The following PER2 variants were observed in gnomAD, a reference collection of about 807,000 sequenced individuals.
PER2 encodes the protein period circadian regulator 2, also known as period circadian protein homolog 2.
A neutral mutation model predicts 121.0 loss-of-function variants in PER2; 66 were observed. The ratio of observed to expected loss-of-function variants is 0.55; its 90% CI spans 0.45 to 0.67. The LOEUF (loss-of-function observed/expected upper bound fraction) is 0.67. Ranked by LOEUF, PER2 falls within the 30% of genes least tolerant of loss-of-function variation. The probability of loss-of-function intolerance (pLI) is 0.00; values close to 1 mark genes in which losing one functional copy is unlikely to be tolerated. For synonymous variants in PER2, 684 were observed against 659.9 expected, an observed-to-expected ratio of 1.04 and a Z score of -0.56; for missense variants, 1,521 against 1,635.0, an observed-to-expected ratio of 0.93 and a Z score of 1.20.
At chr2:238,291,721 C>T (rs1696953250), upstream of PER2, among the ~76,000 whole-genome samples, 1 of 152,208 alleles carries the variant, frequency 6.6e-6, no homozygotes, top group African/African-American at 2.4e-5. Flanking sequence ...CGGCTGACCC[C>T]AGCTTGGCAT....
At chr2:238,281,002 T>C (rs923075258) in intron 1 of PER2, among the ~76,000 whole-genome samples, 2 of 149,190 alleles carry the variant, frequency 1.3e-5, no homozygotes, top group African/African-American at 2.4e-5. Context: ...AGACAATGTT[T>C]ACACTTTTTT....
chr2:238,259,524 A>G (rs1216096302), intron 14 of PER2, among the ~76,000 whole-genome samples: 1 of 152,188 alleles, frequency 6.6e-6, no homozygotes, highest in East Asian at 1.9e-4. Context: ...GTTTGAGTGT[A>G]TGTGGATGCT....
In PER2 at chr2:238,288,479, C is replaced by A. The variant is rs1238429017; in HGVS notation, c.-150G>T. 1 of 152,206 alleles carries A rather than the reference C, an allele frequency of 6.6e-6. No homozygotes were observed. Among genetic ancestry groups the A allele is most frequent in the Admixed American group, 6.5e-5 (1 of 15,286 alleles). The allele number at this position is 152,206 out of a possible 1,614,324, so 9.4% of individuals were successfully genotyped here. On this transcript the variant is annotated 5_prime_UTR_variant, in exon 1 of 23. Coordinates refer to ENST00000254657, the MANE Select transcript of PER2 (RefSeq NM_022817.3). ...TCCACCTGGGACAGGGCCAAGGGCA[C>A]ACGCCCCCACGCCGGCGCCGTTTCA...
At chr2:238,251,072 A>G (rs1179296994) in intron 20 of PER2, among the ~76,000 whole-genome samples, 2 of 152,230 alleles carry the variant, frequency 1.3e-5, no homozygotes, top group African/African-American at 4.8e-5. Flanking sequence ...GCAGTTTCCC[A>G]CAAGGGGAGG....
intron 18 of PER2, 179 bp downstream of exon 18, chr2:238,255,478 A>AC (rs550782340): frequency 2.6e-4 from 179 of 698,414 alleles, no homozygotes; most frequent in East Asian, 3.9e-4. Context: ...TCCCGAGAGC[A>AC]CCCCCCCGGT....
upstream of PER2, chr2:238,289,435 A>G (rs1247092938): frequency 6.6e-6 from 1 of 152,322 alleles, no homozygotes; most frequent in East Asian, 1.9e-4. Flanking sequence ...GCAGCTACCA[A>G]GTGACCTTTC....
chr2:238,268,274 G>A lies in PER2; in HGVS notation c.825-76C>T, dbSNP rs1267444878. The A allele has an allele frequency of 2.0e-6, 3 of 1,476,322 alleles. No homozygotes were observed. Among genetic ancestry groups the A allele is most frequent in the African/African-American group, 2.8e-5 (2 of 72,224 alleles). 91.5% of individuals were successfully genotyped at this position (1,476,322 alleles called of 1,614,324 possible). Reference sequence around the variant, plus strand: ...CCCCTGTTCTGTTCCCTCCTCACCTGGGCCCCATGCCATGCTGCAGGTGAT... The same window carrying A: ...CCCCTGTTCTGTTCCCTCCTCACCTAGGCCCCATGCCATGCTGCAGGTGAT... On this transcript the variant is annotated intron_variant, in intron 7 of 22. Coordinates refer to ENST00000254657, the MANE Select transcript of PER2 (RefSeq NM_022817.3). The surrounding 1 kb of genome is among the most constrained non-coding windows in gnomAD (Gnocchi z 4.0).
intron 1 of PER2, 131 bp from the exon 2 acceptor site, chr2:238,278,086 G>GTC (rs778225399): frequency 1.8e-4 from 167 of 935,398 alleles, no homozygotes; most frequent in Middle Eastern, 3.3e-4. Flanking sequence ...TCTTCTCTCT[G>GTC]TCTCTCTCTC....
chr2:238,287,800 C>T (rs1696832573), intron 1 of PER2, among the ~76,000 whole-genome samples: 1 of 152,214 alleles, frequency 6.6e-6, no homozygotes, highest in Admixed American at 6.5e-5. Context: ...GCAACCAACT[C>T]GTCATCCCTT....
chr2:238,265,410 G>A, intron 9 of PER2, 102 bp downstream of exon 9: 2 of 752,466 alleles, frequency 2.7e-6, no homozygotes, highest in Non-Finnish European at 4.8e-6. Context: ...ACATGTTTTT[G>A]TCCATTATCA....
At chr2:238,259,036 CA>C (rs1280493265) in intron 14 of PER2, among the ~76,000 whole-genome samples, 3 of 152,198 alleles carry the variant, frequency 2.0e-5, no homozygotes, top group African/African-American at 7.2e-5. Context: ...CTGCTAGTAA[CA>C]ATTATGATGA....
intron 18 of PER2, 38 bp downstream of exon 18, chr2:238,255,618 AG>A: frequency 1.2e-6 from 2 of 1,610,054 alleles, no homozygotes; most frequent in South Asian, 2.2e-5. Flanking sequence ...ACAGGAATAA[AG>A]TTTTTTAAAA....
intron 22 of PER2, among the ~76,000 whole-genome samples, chr2:238,248,612 A>T (rs887679614): frequency 6.6e-6 from 1 of 152,058 alleles, no homozygotes; most frequent in Non-Finnish European, 1.5e-5. Flanking sequence ...TTTGAAGTGG[A>T]CCTAGTGCTG....
At chr2:238,298,939 G>A in the PER2 span, 1 of 152,212 alleles carries the variant, frequency 6.6e-6, no homozygotes, top group Non-Finnish European at 1.5e-5. Flanking sequence ...CAGCTCAGGA[G>A]ATTTACATCT....
chr2:238,298,031 C>CTTTT, the PER2 span, among the ~76,000 whole-genome samples: 17 of 128,382 alleles, frequency 1.3e-4, no homozygotes, highest in Non-Finnish European at 2.4e-4. Flanking sequence ...AGCTTTTGTT[C>CTTTT]TTTTTTTTTT....
chr2:238,273,016 C>T (rs546168971), intron 5 of PER2, 54 bp downstream of exon 5: 5 of 1,590,374 alleles, frequency 3.1e-6, no homozygotes, highest in East Asian at 4.5e-5. Context: ...GCTAGCTCGC[C>T]TGCAGGAGGA....
intron 18 of PER2, 111 bp downstream of exon 18, chr2:238,255,546 T>A (rs1188617973): frequency 1.8e-6 from 2 of 1,122,814 alleles, no homozygotes; most frequent in African/African-American, 3.0e-5. Flanking sequence ...CTGTCTTATA[T>A]GTTAATGCTT....
intron 21 of PER2, among the ~76,000 whole-genome samples, chr2:238,249,697 A>G (rs937085397): frequency 6.6e-6 from 1 of 152,244 alleles, no homozygotes; most frequent in African/African-American, 2.4e-5. Flanking sequence ...TGTTGAGGGA[A>G]GGACCTGGTG....
intron 1 of PER2, among the ~76,000 whole-genome samples, chr2:238,286,598 G>A (rs1696796096): frequency 6.6e-6 from 1 of 152,222 alleles, no homozygotes; most frequent in African/African-American, 2.4e-5. Flanking sequence ...TTCCAGAAGT[G>A]TGGCGACAGT....
Sources: gnomAD v4.1 joint callset for allele counts (sites outside exome capture counted in the v4.1 genomes callset) on GRCh38, gnomAD v4.1.1 for gene constraint, Gnocchi (gnomAD v3.1) non-coding constraint, MANE v1.5 for transcripts, NCBI Gene and HGNC (gene_info 2026-07-23, HGNC 2026-07-21) for gene names.